The following GRID1 variants were observed in gnomAD, a reference collection of about 807,000 sequenced individuals.
GRID1 encodes glutamate receptor ionotropic, delta-1.
A neutral mutation model predicts 98.0 loss-of-function variants in GRID1; 28 were observed. That is an observed-to-expected ratio of 0.29 (90% CI 0.21 to 0.39). The LOEUF (loss-of-function observed/expected upper bound fraction) is 0.39, where lower values mean the gene tolerates loss of function less well. Ranked by LOEUF, GRID1 falls within the 10% of genes least tolerant of loss-of-function variation. The pLI is 1.00. For synonymous variants in GRID1, 553 were observed against 538.5 expected, an observed-to-expected ratio of 1.03 and a Z score of -0.37; for missense variants, 1,111 against 1,340.5, an observed-to-expected ratio of 0.83 and a Z score of 2.67.
chr10:85,647,009 AG>A, intron 13 of GRID1, 192 bp downstream of exon 13: 1 of 623,658 alleles, frequency 1.6e-6, no homozygotes, highest in South Asian at 1.9e-5. Flanking sequence ...CACTCTACAA[AG>A]TTGGAAGGTC....
intron 8 of GRID1, among the ~76,000 whole-genome samples, chr10:85,760,765 A>G (rs1485875671): frequency 6.6e-6 from 1 of 152,222 alleles, no homozygotes; most frequent in East Asian, 1.9e-4. Flanking sequence ...AGTGAGAATT[A>G]TGCCTGGATT....
intron 4 of GRID1, among the ~76,000 whole-genome samples, chr10:85,967,110 T>C (rs779039241): frequency 5.9e-5 from 9 of 152,222 alleles, no homozygotes; most frequent in Non-Finnish European, 1.3e-4. Flanking sequence ...ACGTAAGATA[T>C]ATCTTGCTTC....
intron 4 of GRID1, among the ~76,000 whole-genome samples, chr10:86,072,573 T>C (rs1009878841): frequency 1.3e-5 from 2 of 152,178 alleles, no homozygotes; most frequent in African/African-American, 2.4e-5. Context: ...GATAGCAGTA[T>C]AGAAATAAAG....
chr10:85,982,477 G>A (rs904260975), intron 4 of GRID1, among the ~76,000 whole-genome samples: 9 of 152,170 alleles, frequency 5.9e-5, no homozygotes, highest in Admixed American at 2.0e-4. Context: ...CAACCATCCC[G>A]AGGACGCCTG....
intron 5 of GRID1, among the ~76,000 whole-genome samples, chr10:85,911,721 C>A (rs1319185462): frequency 6.6e-6 from 1 of 152,212 alleles, no homozygotes; most frequent in Non-Finnish European, 1.5e-5. Flanking sequence ...TCCCCATCAA[C>A]CTTGGTTCTT....
rs1564575101 is a variant in GRID1 at position 85,737,670 on chromosome 10, AT to A, written c.1234-8057del. The stretch of plus-strand genomic sequence containing the variant: ...GATATATATATATATATATATATAT[AT>A]ATAAACATATATGGTTATATATATA... On this transcript the variant is annotated intron_variant, in intron 8 of 15. Transcript: ENST00000327946. Among the ~76,000 whole-genome samples the A allele has an allele frequency of 8.3e-4, 111 of 133,260 alleles. 3 individuals are homozygous for A. Among genetic ancestry groups the A allele is most frequent in the African/African-American group, 2.8e-3 (97 of 35,194 alleles). 87.4% of individuals were successfully genotyped at this position (133,260 alleles called of 152,430 possible).
chr10:86,089,029 G>A (rs1440424473), intron 4 of GRID1, among the ~76,000 whole-genome samples: 1 of 152,134 alleles, frequency 6.6e-6, no homozygotes, highest in Admixed American at 6.5e-5. Context: ...GAAAGGAAGT[G>A]CGGTTTCACC....
rs375855339 is a variant in GRID1 at position 85,613,579 on chromosome 10, C to T, written c.2429G>A (p.Arg810His). The T allele has an allele frequency of 6.2e-6, 10 of 1,614,124 alleles. No homozygotes were observed. The highest frequency in any genetic ancestry group is 4.4e-5 in the South Asian group (4 of 91,086). Residue 810 changes from arginine (R) to histidine (H), a missense_variant, in exon 15 of 16, where the codon CGC becomes CAC. Arg to His is a conservative substitution (Grantham distance 29). Around this residue, in one of 3 missense-constraint regions of GRID1, gnomAD observed 762 missense variants for 869.1 expected, o/e 0.88. Coordinates refer to ENST00000327946, the MANE Select transcript of GRID1 (RefSeq NM_017551.3). Reference protein sequence around the residue: ...LKQKWWPHMGRCDLTSHASAQ... With the variant: ...LKQKWWPHMGHCDLTSHASAQ... ...GCTGGCATGGCTGGTGAGGTCACAG[C>T]GGCCCATGTGCGGCCACCACTTCTG...
chr10:86,202,993 G>T (rs1270612059), intron 3 of GRID1, among the ~76,000 whole-genome samples: 2 of 152,204 alleles, frequency 1.3e-5, no homozygotes, highest in Non-Finnish European at 2.9e-5. Context: ...GAAATAGGAT[G>T]ATGCCTTGGC....
chr10:85,960,658 A>G (rs1452316529), intron 4 of GRID1, among the ~76,000 whole-genome samples: 1 of 152,106 alleles, frequency 6.6e-6, no homozygotes, highest in East Asian at 1.9e-4. Context: ...CCTTGACCCC[A>G]CCTGCAAGAA....
intron 4 of GRID1, among the ~76,000 whole-genome samples, chr10:86,021,276 C>A (rs986793706): frequency 6.6e-6 from 1 of 152,110 alleles, no homozygotes. Context: ...GACTCCTTGG[C>A]GAACAGGTGT....
chr10:86,088,113 C>T (rs537952846), intron 4 of GRID1, among the ~76,000 whole-genome samples: 1 of 152,364 alleles, frequency 6.6e-6, no homozygotes, highest in Admixed American at 6.5e-5. Flanking sequence ...AGCACCTTCT[C>T]TCACCCAATT....
At chr10:86,198,673 G>C (rs1408578882) in intron 3 of GRID1, among the ~76,000 whole-genome samples, 3 of 152,172 alleles carry the variant, frequency 2.0e-5, no homozygotes, top group Non-Finnish European at 4.4e-5. Flanking sequence ...CACAGATATG[G>C]CAGCGGAGCT....
intron 13 of GRID1, among the ~76,000 whole-genome samples, chr10:85,637,889 C>T (rs1380336620): frequency 3.9e-5 from 6 of 152,154 alleles, no homozygotes; most frequent in Admixed American, 2.0e-4. Flanking sequence ...ATTTGCTGTC[C>T]TCTAGAACTT....
At chr10:86,310,480 T>C (rs187749456) in intron 2 of GRID1, among the ~76,000 whole-genome samples, 2 of 152,250 alleles carry the variant, frequency 1.3e-5, no homozygotes, top group African/African-American at 4.8e-5. Context: ...GCTTCCAACT[T>C]GTGTCTGACA....
chr10:86,081,491 T>C (rs186985769), intron 4 of GRID1, among the ~76,000 whole-genome samples: 89 of 152,346 alleles, frequency 5.8e-4, no homozygotes, highest in African/African-American at 2.1e-3. Flanking sequence ...TGGAAGCTGA[T>C]AGACATGGCA....
chr10:86,108,921 G>A (rs1844433817), intron 4 of GRID1, among the ~76,000 whole-genome samples: 1 of 152,048 alleles, frequency 6.6e-6, no homozygotes, highest in Non-Finnish European at 1.5e-5. Context: ...TGCCCACCCT[G>A]TCCGGCTTCC....
At chr10:86,148,173 T>C (rs1845114008) in intron 3 of GRID1, among the ~76,000 whole-genome samples, 1 of 152,204 alleles carries the variant, frequency 6.6e-6, no homozygotes, top group Non-Finnish European at 1.5e-5. Flanking sequence ...AAAACTCCCA[T>C]ACTCCTTGCA....
At chr10:85,944,002 GC>G (rs1842025635) in intron 4 of GRID1, among the ~76,000 whole-genome samples, 1 of 152,194 alleles carries the variant, frequency 6.6e-6, no homozygotes, top group Non-Finnish European at 1.5e-5. Context: ...GAGGAATCCT[GC>G]CACAGTAGCC....
Sources: allele counts gnomAD v4.1 joint callset (sites outside exome capture counted in the v4.1 genomes callset), GRCh38; gene constraint gnomAD v4.1.1; regional missense constraint gnomAD v4.1.1; transcripts MANE v1.5; gene names NCBI Gene and HGNC (gene_info 2026-07-23, HGNC 2026-07-21).